Variants in PARD3B observed in about 807,000 individuals in gnomAD.
The protein encoded by PARD3B is partitioning defective 3 homolog B.
PARD3B carries 103 observed loss-of-function variants against 130.2 expected under a neutral mutation model. The observed-to-expected ratio is 0.79, with a 90% CI of 0.67 to 0.93. The LOEUF is 0.93. Among genes scored for constraint, PARD3B ranks in the 40% least tolerant of loss-of-function variants. The pLI is 0.00. For missense variants in PARD3B, 1,609 were observed against 1,499.2 expected, an observed-to-expected ratio of 1.07 and a Z score of -1.21; for synonymous variants, 583 against 553.2, an observed-to-expected ratio of 1.05 and a Z score of -0.76.
intron 22 of PARD3B, among the ~76,000 whole-genome samples, chr2:205,574,870 A>AAG (rs1553550291): frequency 7.3e-5 from 11 of 150,730 alleles, no homozygotes; most frequent in South Asian, 6.3e-4. Flanking sequence ...AAAAAAAAAA[A>AAG]AAAGAAAGAA....
chr2:205,514,861 G>A (rs1288891604), intron 21 of PARD3B, among the ~76,000 whole-genome samples: 3 of 119,056 alleles, frequency 2.5e-5, no homozygotes, highest in Non-Finnish European at 5.2e-5. Context: ...TTTAAGGTTT[G>A]AGGGTACATG....
At chr2:204,871,703 G>C (rs2045635967) in intron 2 of PARD3B, among the ~76,000 whole-genome samples, 1 of 151,936 alleles carries the variant, frequency 6.6e-6, no homozygotes, top group Non-Finnish European at 1.5e-5. Context: ...GTTTCATTTT[G>C]ACTCTTCCTG....
intron 3 of PARD3B, among the ~76,000 whole-genome samples, chr2:204,984,442 T>G (rs1213804865): frequency 6.6e-6 from 1 of 152,158 alleles, no homozygotes; most frequent in African/African-American, 2.4e-5. Context: ...GCAAAATGAT[T>G]TCATGGAGTT....
chr2:205,113,214 A>G (rs1703766921), intron 5 of PARD3B, among the ~76,000 whole-genome samples: 1 of 152,164 alleles, frequency 6.6e-6, no homozygotes, highest in Admixed American at 6.6e-5. Flanking sequence ...TATGCAGATT[A>G]AGTTAAGTAG....
At position 205,125,217 on chromosome 2, in the gene PARD3B, A is replaced by G. The variant is rs1019045045; in HGVS notation, c.1306-392A>G. On this transcript the variant is annotated intron_variant, in intron 9 of 22. Coordinates refer to ENST00000406610, the MANE Select transcript of PARD3B (RefSeq NM_001302769.2). The surrounding 1 kb of genome is among the most constrained non-coding windows in gnomAD (Gnocchi z 4.0). ...TTAAAACCTGCAGGATTCTATTGCT[A>G]GGTTCGTATTTGCAGAGAAATTTGC... Among the ~76,000 whole-genome samples, 1 of 152,186 alleles carries G rather than the reference A, an allele frequency of 6.6e-6. No homozygotes were observed. The highest frequency in any genetic ancestry group is 2.4e-5 in the African/African-American group (1 of 41,434).
chr2:204,915,192 C>G (rs989425830), intron 2 of PARD3B, among the ~76,000 whole-genome samples: 3 of 152,116 alleles, frequency 2.0e-5, no homozygotes, highest in Non-Finnish European at 4.4e-5. Flanking sequence ...TGTGAACATA[C>G]AGCTTTTTAC....
chr2:204,819,325 G>A (rs2043253432), intron 2 of PARD3B, among the ~76,000 whole-genome samples: 1 of 152,090 alleles, frequency 6.6e-6, no homozygotes, highest in Non-Finnish European at 1.5e-5. Context: ...TATCATATTT[G>A]TTACGGTGAT....
intron 2 of PARD3B, among the ~76,000 whole-genome samples, chr2:204,775,165 AACTTTG>A (rs2041565207): frequency 6.6e-6 from 1 of 152,172 alleles, no homozygotes; most frequent in Non-Finnish European, 1.5e-5. Flanking sequence ...GGGTTAAAGT[AACTTTG>A]TTCGTAAATA....
chr2:205,137,188 C>CT (rs1363543645), intron 10 of PARD3B, among the ~76,000 whole-genome samples: 7 of 152,120 alleles, frequency 4.6e-5, no homozygotes, highest in Admixed American at 3.9e-4. Flanking sequence ...AATTAAAGTT[C>CT]TTTAAAGTCA....
intron 2 of PARD3B, among the ~76,000 whole-genome samples, chr2:204,828,986 T>C (rs1373947388): frequency 1.3e-5 from 2 of 152,216 alleles, no homozygotes; most frequent in Non-Finnish European, 2.9e-5. Flanking sequence ...CTTTCCTGAC[T>C]TCAAGGTCCA....
At chr2:205,542,288 G>A (rs2052183970) in intron 21 of PARD3B, among the ~76,000 whole-genome samples, 1 of 151,264 alleles carries the variant, frequency 6.6e-6, no homozygotes, top group African/African-American at 2.4e-5. Context: ...TAAAGGCCTT[G>A]CATACCAGAC....
intron 19 of PARD3B, among the ~76,000 whole-genome samples, chr2:205,425,608 C>T (rs1250946701): frequency 6.6e-6 from 1 of 151,110 alleles, no homozygotes; most frequent in Non-Finnish European, 1.5e-5. Flanking sequence ...GGTTCCAGGC[C>T]ATGTAGGATA....
Position 205,590,150 on chromosome 2 carries a change from G to A in PARD3B, c.3261-25306G>A, listed in dbSNP as rs1032955509. Reference sequence around the variant, plus strand: ...TGTTCTCTCTACATATTATTCCGATGCTTTATTTATCCAATACAGGAAAAG... The same window carrying A: ...TGTTCTCTCTACATATTATTCCGATACTTTATTTATCCAATACAGGAAAAG... On this transcript the variant is annotated intron_variant, in intron 22 of 22. Coordinates refer to ENST00000406610, the MANE Select transcript of PARD3B (RefSeq NM_001302769.2). The surrounding 1 kb of genome is among the most constrained non-coding windows in gnomAD (Gnocchi z 4.1). Among the ~76,000 whole-genome samples the A allele has an allele frequency of 6.6e-6, 1 of 152,118 alleles. No individual in the cohort carries two copies. Among genetic ancestry groups the A allele is most frequent in the Non-Finnish European group, 1.5e-5 (1 of 68,026 alleles).
At chr2:204,760,727 T>C (rs552669123) in intron 2 of PARD3B, among the ~76,000 whole-genome samples, 1 of 152,252 alleles carries the variant, frequency 6.6e-6, no homozygotes, top group East Asian at 1.9e-4. Context: ...ATATTTATTG[T>C]GTTAGGTATA....
intron 3 of PARD3B, among the ~76,000 whole-genome samples, chr2:204,983,972 C>T (rs1389414504): frequency 3.9e-5 from 6 of 151,988 alleles, no homozygotes; most frequent in Admixed American, 3.3e-4. Context: ...TCTGTATGGA[C>T]CTTCCTTGTC....
chr2:205,095,019 G>C (rs1053817880), intron 4 of PARD3B, among the ~76,000 whole-genome samples: 35 of 152,220 alleles, frequency 2.3e-4, no homozygotes, highest in African/African-American at 8.4e-4. Context: ...CTAAATATTT[G>C]AGAAGATGGT....
chr2:204,600,972 A>AT (rs780016475), intron 1 of PARD3B, among the ~76,000 whole-genome samples: 4 of 150,876 alleles, frequency 2.7e-5, no homozygotes, highest in Non-Finnish European at 5.9e-5. Flanking sequence ...GAACTTGGGG[A>AT]TTTTGTTTGT....
chr2:204,850,996 A>T (rs2044686077), intron 2 of PARD3B, among the ~76,000 whole-genome samples: 1 of 152,192 alleles, frequency 6.6e-6, no homozygotes, highest in African/African-American at 2.4e-5. Context: ...CATTTGGTTT[A>T]TAGATTGTAC....
intron 2 of PARD3B, among the ~76,000 whole-genome samples, chr2:204,697,613 G>C (rs923889190): frequency 4.6e-5 from 7 of 152,082 alleles, no homozygotes; most frequent in African/African-American, 9.7e-5. Context: ...AAGGCCAACT[G>C]TCAGCCTCTG....
Sources: allele counts gnomAD v4.1 joint callset (sites outside exome capture counted in the v4.1 genomes callset), GRCh38; gene constraint gnomAD v4.1.1; non-coding constraint Gnocchi (gnomAD v3.1); transcripts MANE v1.5; gene names NCBI Gene and HGNC (gene_info 2026-07-23, HGNC 2026-07-21).